KCNJ3: variants seen among roughly 807,000 people sequenced by gnomAD.
KCNJ3 encodes potassium inwardly rectifying channel subfamily J member 3.
KCNJ3 carries 4 observed loss-of-function variants against 39.2 expected under a neutral mutation model. That is an observed-to-expected ratio of 0.10 (90% CI 0.05 to 0.23). The LOEUF (loss-of-function observed/expected upper bound fraction) is 0.23, where lower values mean the gene tolerates loss of function less well. Among genes scored for constraint, KCNJ3 ranks in the 10% least tolerant of loss-of-function variants. KCNJ3 has a pLI of 1.00. For synonymous variants in KCNJ3, 230 were observed against 237.4 expected (o/e 0.97, Z 0.29); for missense variants, 276 against 634.9 (o/e 0.43, Z 6.08).
intron 2 of KCNJ3, among the ~76,000 whole-genome samples, chr2:154,728,939 T>G (rs1249124005): frequency 6.6e-6 from 1 of 152,154 alleles, no homozygotes; most frequent in East Asian, 1.9e-4. Context: ...GTTTAGCACA[T>G]TATCTAGTAC....
At chr2:154,751,804 A>G (rs1296014921) in intron 2 of KCNJ3, among the ~76,000 whole-genome samples, 1 of 151,958 alleles carries the variant, frequency 6.6e-6, no homozygotes, top group Non-Finnish European at 1.5e-5. Flanking sequence ...TGCTTGGCTT[A>G]TTGATGGACT....
chr2:154,838,492 TGAG>T (rs1338275627), intron 2 of KCNJ3, among the ~76,000 whole-genome samples: 1 of 152,106 alleles, frequency 6.6e-6, no homozygotes, highest in Non-Finnish European at 1.5e-5. Flanking sequence ...CCTAGGGTAG[TGAG>T]GAGAATTATA....
intron 2 of KCNJ3, among the ~76,000 whole-genome samples, chr2:154,846,455 T>C (rs1242718866): frequency 6.6e-6 from 1 of 152,172 alleles, no homozygotes; most frequent in Non-Finnish European, 1.5e-5. Flanking sequence ...ATAGGTTATA[T>C]CATTTGTAGT....
At position 154,721,040 on chromosome 2, in the gene KCNJ3, T is replaced by C. The variant is rs149821505; in HGVS notation, c.919+11221T>C. On this transcript the variant is annotated intron_variant, in intron 2 of 2. Coordinates refer to ENST00000295101, the MANE Select transcript of KCNJ3 (RefSeq NM_002239.4). ...TTTCTATTTTTGCTTTGCTATACAT[T>C]TTTCCCAGTGGCCTTTTAAAAAAAT... Among the ~76,000 whole-genome samples, 35 of 65,270 alleles carry C rather than the reference T, an allele frequency of 5.4e-4. No homozygotes were observed. The East Asian group carries it at 0.016, about 30-fold the overall frequency. The allele number at this position is 65,270 out of a possible 152,430, so 42.8% of individuals were successfully genotyped here.
intron 2 of KCNJ3, among the ~76,000 whole-genome samples, chr2:154,749,685 T>G (rs1020197553): frequency 2.6e-5 from 4 of 152,082 alleles, no homozygotes; most frequent in African/African-American, 4.8e-5. Flanking sequence ...TCATTTTCCC[T>G]TATCTGTAAA....
At chr2:154,767,734 T>C (rs556892026) in intron 2 of KCNJ3, among the ~76,000 whole-genome samples, 3 of 152,238 alleles carry the variant, frequency 2.0e-5, no homozygotes, top group Non-Finnish European at 2.9e-5. Flanking sequence ...ATGGTATTTC[T>C]AGTTCTAGAT....
At chr2:154,783,598 T>C (rs1336554270) in intron 2 of KCNJ3, among the ~76,000 whole-genome samples, 1 of 152,210 alleles carries the variant, frequency 6.6e-6, no homozygotes, top group East Asian at 1.9e-4. Flanking sequence ...TATTAAATTT[T>C]CATAAAAACT....
At chr2:154,758,403 A>G (rs545770375) in intron 2 of KCNJ3, among the ~76,000 whole-genome samples, 1 of 152,280 alleles carries the variant, frequency 6.6e-6, no homozygotes, top group Non-Finnish European at 1.5e-5. Context: ...TGGGTGCTGA[A>G]GTTTCTGATA....
At chr2:154,769,241 G>A (rs373220326) in intron 2 of KCNJ3, among the ~76,000 whole-genome samples, 1 of 152,114 alleles carries the variant, frequency 6.6e-6, no homozygotes, top group African/African-American at 2.4e-5. Flanking sequence ...GGAGTGGTGA[G>A]AGAGGGCATC....
intron 2 of KCNJ3, among the ~76,000 whole-genome samples, chr2:154,796,236 A>C (rs1686718549): frequency 6.6e-6 from 1 of 152,150 alleles, no homozygotes; most frequent in African/African-American, 2.4e-5. Flanking sequence ...TCATTCTAGG[A>C]ATGGCACTGA....
intron 2 of KCNJ3, among the ~76,000 whole-genome samples, chr2:154,822,421 A>AT (rs1375320196): frequency 6.6e-6 from 1 of 152,192 alleles, no homozygotes; most frequent in African/African-American, 2.4e-5. Flanking sequence ...AGTTTCTCTA[A>AT]TTGACCAAAT....
chr2:154,793,664 C>T (rs796575943), intron 2 of KCNJ3, among the ~76,000 whole-genome samples: 8 of 152,114 alleles, frequency 5.3e-5, no homozygotes, highest in African/African-American at 1.9e-4. Context: ...TTTAGTTTCG[C>T]CAAGTATTAG....
chr2:154,837,353 A>G (rs1399536596), intron 2 of KCNJ3, among the ~76,000 whole-genome samples: 1 of 151,888 alleles, frequency 6.6e-6, no homozygotes, highest in Non-Finnish European at 1.5e-5. Flanking sequence ...AGCTCTTTGT[A>G]TGGATGTTTC....
chr2:154,848,850 T>C (rs763076134), intron 2 of KCNJ3, among the ~76,000 whole-genome samples: 1 of 152,172 alleles, frequency 6.6e-6, no homozygotes, highest in South Asian at 2.1e-4. Context: ...CTGGTGTTCA[T>C]CCCTGAAGAA....
rs969019794 is a variant in KCNJ3, at chr2:154,856,556, A to G, written c.*1243A>G. 4 of 152,168 alleles carry G rather than the reference A, an allele frequency of 2.6e-5. No homozygotes were observed. The highest frequency in any genetic ancestry group is 5.9e-5 in the Non-Finnish European group (4 of 68,006). The allele number at this position is 152,168 out of a possible 1,614,324, so 9.4% of individuals were successfully genotyped here. A position where few individuals can be genotyped will look rare whatever the true frequency, so the allele number is the denominator to read the frequency against. On this transcript the variant is annotated 3_prime_UTR_variant, in exon 3 of 3. Coordinates refer to ENST00000295101, the MANE Select transcript of KCNJ3 (RefSeq NM_002239.4). Reference sequence around the variant, plus strand: ...TTTCCTCACCTAGGAAACCTATCCCATGCCTGTCACTTATAGTTCAGGAGG... The same window carrying G: ...TTTCCTCACCTAGGAAACCTATCCCGTGCCTGTCACTTATAGTTCAGGAGG...
chr2:154,741,037 C>G (rs1185911672), intron 2 of KCNJ3, among the ~76,000 whole-genome samples: 2 of 151,926 alleles, frequency 1.3e-5, no homozygotes, highest in Non-Finnish European at 2.9e-5. Context: ...GGGAATCACT[C>G]TATGTATAGT....
intron 2 of KCNJ3, among the ~76,000 whole-genome samples, chr2:154,800,510 T>C (rs1372295513): frequency 4.6e-5 from 7 of 152,182 alleles, no homozygotes; most frequent in East Asian, 1.9e-4. Context: ...TTTCTTTATT[T>C]TCAGAGCACT....
chr2:154,767,555 A>G (rs1401973583), intron 2 of KCNJ3, among the ~76,000 whole-genome samples: 1 of 152,156 alleles, frequency 6.6e-6, no homozygotes, highest in Admixed American at 6.5e-5. Flanking sequence ...CATGGTATAT[A>G]TATGCCACAT....
chr2:154,763,841 T>C (rs1686086276), intron 2 of KCNJ3, among the ~76,000 whole-genome samples: 1 of 152,214 alleles, frequency 6.6e-6, no homozygotes, highest in Non-Finnish European at 1.5e-5. Context: ...AGAGGTTAGA[T>C]AGAAACAAGT....
Sources: gnomAD v4.1 joint callset for allele counts (sites outside exome capture counted in the v4.1 genomes callset) on GRCh38, gnomAD v4.1.1 for gene constraint, MANE v1.5 for transcripts, NCBI Gene and HGNC (gene_info 2026-07-23, HGNC 2026-07-21) for gene names.